The following GPBP1 variants were observed in gnomAD, a reference collection of about 807,000 sequenced individuals.
GPBP1 encodes GC-rich promoter binding protein 1.
Under a neutral mutation model 56.5 loss-of-function variants are expected in GPBP1, and 13 were observed. The observed-to-expected ratio is 0.23, with a 90% CI of 0.15 to 0.37. The LOEUF (loss-of-function observed/expected upper bound fraction) is 0.37. GPBP1 is among the 10% of genes least tolerant of loss of function. GPBP1 has a pLI of 1.00. For synonymous variants in GPBP1, 204 were observed against 188.9 expected (o/e 1.08, Z -0.66); for missense variants, 477 against 572.3 (o/e 0.83, Z 1.70).
chr5:57,189,825 C>G (rs1250919042), intron 2 of GPBP1, among the ~76,000 whole-genome samples: 1 of 152,172 alleles, frequency 6.6e-6, no homozygotes, highest in African/African-American at 2.4e-5. Flanking sequence ...GGCCTTCTTT[C>G]TCTTACCTGA....
intron 9 of GPBP1, among the ~76,000 whole-genome samples, chr5:57,250,520 A>C (rs941032993): frequency 2.0e-5 from 3 of 149,614 alleles, no homozygotes; most frequent in Non-Finnish European, 4.4e-5. Flanking sequence ...AAATTTAACA[A>C]TTATAAGTAT....
In GPBP1 at chr5:57,235,963, C is replaced by T. The variant is rs202228953; in HGVS notation, c.412-3C>T. The T allele has an allele frequency of 3.9e-5, 63 of 1,603,078 alleles. No individual in the cohort carries two copies. The African/African-American group carries it at 7.1e-4, about 18-fold the overall frequency. Reference sequence around the variant, plus strand: ...TGAAATGTTTATTCCAACTTTCTTCCAGCCGTCTTTAAATCCTGAGTATGA... The same window carrying T: ...TGAAATGTTTATTCCAACTTTCTTCTAGCCGTCTTTAAATCCTGAGTATGA... On this transcript the variant is annotated splice_polypyrimidine_tract_variant and splice_region_variant and intron_variant, in intron 5 of 11. Transcript: ENST00000506184.
chr5:57,219,961 G>A lies in GPBP1; in HGVS notation c.63+5768G>A, dbSNP rs1327426113. 2.6e-5 allele frequency among the ~76,000 whole-genome samples: 4 copies of A among 151,416 alleles called. No homozygotes were observed. The East Asian group carries it at 7.8e-4, about 30-fold the overall frequency. On this transcript the variant is annotated intron_variant, in intron 3 of 11. Transcript: ENST00000506184. ...TAGCTACTCGGGAGGCTGAGCAGGA[G>A]AATCGCTTGAACCTGGGAGGCAGAG...
intron 3 of GPBP1, among the ~76,000 whole-genome samples, chr5:57,216,419 G>A (rs1313411949): frequency 2.0e-5 from 3 of 152,136 alleles, no homozygotes; most frequent in East Asian, 1.9e-4. Context: ...TGGGGAAAAC[G>A]ATTAAAAAAC....
At chr5:57,233,987 C>G (rs1756564962) in intron 5 of GPBP1, among the ~76,000 whole-genome samples, 1 of 151,772 alleles carries the variant, frequency 6.6e-6, no homozygotes, top group African/African-American at 2.4e-5. Flanking sequence ...TTGTCATTGG[C>G]TATTATAATC....
intron 2 of GPBP1, among the ~76,000 whole-genome samples, chr5:57,210,800 T>C (rs1380513335): frequency 6.6e-6 from 1 of 152,180 alleles, no homozygotes; most frequent in African/African-American, 2.4e-5. Flanking sequence ...GGCTTGTAAA[T>C]GACTGCCTGC....
At chr5:57,206,087 G>A (rs1318704016) in intron 2 of GPBP1, among the ~76,000 whole-genome samples, 1 of 152,008 alleles carries the variant, frequency 6.6e-6, no homozygotes, top group African/African-American at 2.4e-5. Flanking sequence ...TTAAAATTGA[G>A]TTGTCTGTTT....
chr5:57,253,280 ATATTATT>A (rs1229623375), intron 10 of GPBP1, among the ~76,000 whole-genome samples: 1 of 152,200 alleles, frequency 6.6e-6, no homozygotes, highest in Non-Finnish European at 1.5e-5. Flanking sequence ...TTAGATTATC[ATATTATT>A]ATTCTGTAAT....
Position 57,249,496 on chromosome 5 carries a change from A to C in GPBP1, c.892A>C (p.Lys298Gln). 6.2e-7 allele frequency: 1 copy of C among 1,613,166 alleles called. No individual in the cohort carries two copies. The highest frequency in any genetic ancestry group is 2.2e-5 in the East Asian group (1 of 44,826). The change falls in exon 9 of 12, where the codon AAG (lysine) becomes CAG (glutamine). Residue 298 changes from lysine (K) to glutamine (Q), a missense_variant. Physicochemically the swap from Lys to Gln is moderately conservative, Grantham distance 53. Coordinates refer to ENST00000506184, the MANE Select transcript of GPBP1 (RefSeq NM_022913.4). ...TKLTRMRTDK[K>Q]SEFLKALKRD... ...ACTGACACGAATGCGCACTGATAAG[A>C]AGAGTGAATTTTTGAAAGCATTGAA...
intron 1 of GPBP1, among the ~76,000 whole-genome samples, chr5:57,174,930 G>A (rs1753732043): frequency 6.6e-6 from 1 of 152,150 alleles, no homozygotes; most frequent in Non-Finnish European, 1.5e-5. Flanking sequence ...CCTACTTCTA[G>A]TTCACCTTTC....
chr5:57,183,751 C>CG (rs1008210660), intron 2 of GPBP1, among the ~76,000 whole-genome samples: 104 of 146,770 alleles, frequency 7.1e-4, no homozygotes, highest in Middle Eastern at 3.5e-3. Context: ...TTTTTTAATA[C>CG]GGGGGGGATA....
chr5:57,234,525 GC>G (rs1343326757), intron 5 of GPBP1, among the ~76,000 whole-genome samples: 2 of 152,122 alleles, frequency 1.3e-5, no homozygotes, highest in Non-Finnish European at 2.9e-5. Context: ...TTCAAGTGAA[GC>G]CACGAATTTG....
At chr5:57,181,979 C>A (rs1754069986) in intron 2 of GPBP1, among the ~76,000 whole-genome samples, 1 of 152,106 alleles carries the variant, frequency 6.6e-6, no homozygotes, top group Non-Finnish European at 1.5e-5. Context: ...GTTTCTGCAT[C>A]TTTTTATATA....
intron 2 of GPBP1, among the ~76,000 whole-genome samples, chr5:57,191,624 C>T (rs1166276570): frequency 6.6e-6 from 1 of 150,748 alleles, no homozygotes; most frequent in African/African-American, 2.5e-5. Flanking sequence ...TGCAGTGGTG[C>T]GATCTCAGCT....
At chr5:57,214,269 G>T in intron 3 of GPBP1, 76 bp downstream of exon 3, 1 of 1,221,010 alleles carries the variant, frequency 8.2e-7, no homozygotes, top group Non-Finnish European at 1.2e-6. Context: ...AAGTCATGGA[G>T]GAGTAATAAT....
intron 2 of GPBP1, among the ~76,000 whole-genome samples, chr5:57,206,653 C>T (rs1755246566): frequency 1.3e-5 from 2 of 152,276 alleles, no homozygotes; most frequent in Admixed American, 6.5e-5. Context: ...GAATTACAGG[C>T]GTGAGCTACT....
Position 57,251,063 on chromosome 5 carries a change from T to C in GPBP1, c.1082T>C (p.Val361Ala). Residue 361 changes from valine (V) to alanine (A), a missense_variant, in exon 10 of 12, where the codon GTG becomes GCG. Physicochemically the swap from Val to Ala is moderately conservative, Grantham distance 64 (BLOSUM62 0). Around this residue, in one of 2 missense-constraint regions of GPBP1, gnomAD observed 414 missense variants for 458.2 expected, o/e 0.90. Transcript: ENST00000506184. ...CCTCAAGAGAATGGCAATGCCTCAG[T>C]GATTTCCCAGCAGATCATTCGGTCT... ...EIPQENGNAS[V>A]ISQQIIRSST... 21 of 1,613,534 alleles carry C rather than the reference T, an allele frequency of 1.3e-5. No homozygotes were observed. The highest frequency in any genetic ancestry group is 1.6e-5 in the Non-Finnish European group (19 of 1,179,848).
intron 2 of GPBP1, among the ~76,000 whole-genome samples, chr5:57,183,218 T>A (rs185941505): frequency 6.6e-6 from 1 of 151,822 alleles, no homozygotes; most frequent in African/African-American, 2.4e-5. Flanking sequence ...ATACAAAAAA[T>A]TAGCTGGGCG....
At chr5:57,226,610 A>C (rs1756202638) in intron 3 of GPBP1, among the ~76,000 whole-genome samples, 1 of 118,884 alleles carries the variant, frequency 8.4e-6, no homozygotes, top group African/African-American at 3.3e-5. Context: ...CTCAGGCTGG[A>C]GTGCAGTGGC....
Sources: allele counts gnomAD v4.1 joint callset (sites outside exome capture counted in the v4.1 genomes callset), GRCh38; gene constraint gnomAD v4.1.1; regional missense constraint gnomAD v4.1.1; transcripts MANE v1.5; gene names NCBI Gene and HGNC (gene_info 2026-07-23, HGNC 2026-07-21).